Variants in ZCWPW1 observed in about 807,000 individuals in gnomAD.
ZCWPW1 encodes the protein zinc finger CW-type and PWWP domain containing 1.
In ZCWPW1, 56 loss-of-function variants were observed where a neutral mutation model predicts 81.3. That is an observed-to-expected ratio of 0.69 (90% CI 0.56 to 0.86). The LOEUF (loss-of-function observed/expected upper bound fraction) is 0.86, where lower values mean the gene tolerates loss of function less well. Ranked by LOEUF, ZCWPW1 falls within the 40% of genes least tolerant of loss-of-function variation. ZCWPW1 has a pLI of 0.00. For missense variants in ZCWPW1, 650 were observed against 769.8 expected (o/e 0.84, Z 1.84); for synonymous variants, 250 against 273.7 (o/e 0.91, Z 0.86).
At chr7:100,401,862 T>TA (rs1220132085) in intron 17 of ZCWPW1, 27 bp downstream of exon 17, 2 of 1,583,214 alleles carry the variant, frequency 1.3e-6, no homozygotes, top group East Asian at 2.2e-5. Context: ...TCATTCCCCT[T>TA]AGTTTTTCCC....
chr7:100,407,536 G>T (rs917438676), intron 10 of ZCWPW1, among the ~76,000 whole-genome samples: 3 of 152,134 alleles, frequency 2.0e-5, no homozygotes, highest in Non-Finnish European at 2.9e-5. Flanking sequence ...GGGACTACAG[G>T]CACATGCCAC....
intron 8 of ZCWPW1, among the ~76,000 whole-genome samples, chr7:100,410,308 T>C (rs1174996497): frequency 1.3e-5 from 2 of 152,122 alleles, no homozygotes; most frequent in African/African-American, 2.4e-5. Context: ...TCTATCTCCT[T>C]TCTGAAGCCT....
chr7:100,407,256 A>C lies in ZCWPW1; in HGVS notation c.1040T>G (p.Leu347Arg). 6.2e-7 allele frequency: 1 copy of C among 1,614,092 alleles called. No individual in the cohort carries two copies. Among genetic ancestry groups the C allele is most frequent in the Non-Finnish European group, 8.5e-7 (1 of 1,179,980 alleles). The change falls in exon 11 of 18, where the codon CTT (leucine) becomes CGT (arginine). Residue 347 changes from leucine to arginine, a missense_variant. Transcript: ENST00000684423. Reference sequence around the variant, plus strand: ...CAGGGAATCAAGATGGGAAGTAAAAAGAAAATATTCCCCTAAGTCAGGATC... The same window carrying C: ...CAGGGAATCAAGATGGGAAGTAAAACGAAAATATTCCCCTAAGTCAGGATC... ...ESDPDLGEYF[L>R]FTSHLDSLPS...
intron 2 of ZCWPW1, among the ~76,000 whole-genome samples, chr7:100,424,070 C>CA (rs201890147): frequency 0.028 from 1,490 of 52,806 alleles, 14 homozygotes; most frequent in Middle Eastern, 0.042. Flanking sequence ...AACTCCGTCT[C>CA]AAAAAAAAAA....
Position 100,401,212 on chromosome 7 carries a change from T to C in ZCWPW1, c.1752A>G (p.Ser584=). The change falls in exon 18 of 18, where the codon TCA becomes TCG. Residue 584 remains serine (S), a synonymous_variant. Transcript: ENST00000684423. ...GGTGTCTGGGCTCTTCTTTCGCAGA[T>C]GAGGGGCAGGCCCCCTTACACGCTG... ...GLSACKGACP[S]SAKEEPRHRE... The C allele has an allele frequency of 6.2e-7, 1 of 1,614,244 alleles. No homozygotes were observed. Among genetic ancestry groups the C allele is most frequent in the East Asian group, 2.2e-5 (1 of 44,886 alleles).
In ZCWPW1 at chr7:100,407,296, C is replaced by T; in HGVS notation, c.1000G>A (p.Gly334Ser). The T allele has an allele frequency of 6.2e-7, 1 of 1,613,626 alleles. No homozygotes were observed. Among genetic ancestry groups the T allele is most frequent in the Non-Finnish European group, 8.5e-7 (1 of 1,179,764 alleles). The change falls in exon 11 of 18, where the codon GGC becomes AGC. Residue 334 changes from glycine (G) to serine (S), a missense_variant. By Grantham distance (56) the Gly-to-Ser change is moderately conservative (BLOSUM62 0). Transcript: ENST00000684423. ...AAGTCAGGATCAGATTCTATCATGC[C>T]TGGCCACCTGGAGAAGATAGTTGGG... is the stretch of plus-strand genomic sequence containing the variant. ...AKQYGYPWWPGMIESDPDLGE... is the reference protein window; with the variant it reads ...AKQYGYPWWPSMIESDPDLGE...
chr7:100,422,703 G>C (rs1054161730), intron 2 of ZCWPW1, among the ~76,000 whole-genome samples: 4 of 152,166 alleles, frequency 2.6e-5, no homozygotes, highest in African/African-American at 9.7e-5. Flanking sequence ...GTACCCAATA[G>C]GTAGTTTTTC....
At chr7:100,419,022 G>C in intron 5 of ZCWPW1, 89 bp downstream of exon 5, 1 of 1,026,398 alleles carries the variant, frequency 9.7e-7, no homozygotes, top group Non-Finnish European at 1.5e-6. Flanking sequence ...AGATGGGAGA[G>C]AAAGAGAGAA....
At chr7:100,419,239 T>C (rs1238504183) in intron 4 of ZCWPW1, 50 bp from the exon 5 acceptor site, 4 of 1,546,688 alleles carry the variant, frequency 2.6e-6, no homozygotes, top group Non-Finnish European at 3.6e-6. Flanking sequence ...TCCATAGTTT[T>C]CCCCTCTGAA....
chr7:100,403,299 T>G (rs1244737944), intron 15 of ZCWPW1, among the ~76,000 whole-genome samples: 1 of 151,902 alleles, frequency 6.6e-6, no homozygotes, highest in Non-Finnish European at 1.5e-5. Flanking sequence ...CACTGCAAGT[T>G]CTGCCTCCCA....
At chr7:100,413,859 C>T (rs1031663559) in intron 8 of ZCWPW1, among the ~76,000 whole-genome samples, 3 of 152,236 alleles carry the variant, frequency 2.0e-5, no homozygotes, top group East Asian at 1.9e-4. Flanking sequence ...GCTAAGATTA[C>T]AGGTGTGAGC....
intron 2 of ZCWPW1, among the ~76,000 whole-genome samples, chr7:100,422,684 G>A (rs1796567977): frequency 6.6e-6 from 1 of 152,160 alleles, no homozygotes; most frequent in African/African-American, 2.4e-5. Context: ...TTCACAGGTA[G>A]TGAGTATAGT....
At chr7:100,411,417 C>A (rs540709481) in intron 8 of ZCWPW1, among the ~76,000 whole-genome samples, 5 of 152,210 alleles carry the variant, frequency 3.3e-5, no homozygotes, top group African/African-American at 1.2e-4. Flanking sequence ...CAGGCATGCA[C>A]CACCACACCC....
At position 100,416,924 on chromosome 7, in the gene ZCWPW1, C is replaced by T. The variant is rs922996589; in HGVS notation, c.479+142G>A. The T allele has an allele frequency of 1.7e-4, 121 of 706,604 alleles. 1 individual carries two copies. Among genetic ancestry groups the T allele is most frequent in the Middle Eastern group, 8.3e-4 (2 of 2,418 alleles). 43.8% of individuals were successfully genotyped at this position (706,604 alleles called of 1,614,324 possible). A position where few individuals can be genotyped will look rare whatever the true frequency, so the allele number is the denominator to read the frequency against. On this transcript the variant is annotated intron_variant, in intron 6 of 17. Coordinates refer to ENST00000684423, the MANE Select transcript of ZCWPW1 (RefSeq NM_001386010.1). ...TCACGCCACTGTACTCCAGCCTGGG[C>T]GACAGAGCGAGACTCCGTCTCAAAA...
intron 10 of ZCWPW1, 127 bp from the exon 11 acceptor site, chr7:100,407,430 T>C (rs1793271816): frequency 1.3e-6 from 1 of 797,742 alleles, no homozygotes; most frequent in African/African-American, 1.7e-5. Flanking sequence ...TCTCACTCTG[T>C]CACCCAGGCT....
intron 1 of ZCWPW1, among the ~76,000 whole-genome samples, chr7:100,428,097 G>C (rs1798063291): frequency 6.6e-6 from 1 of 152,088 alleles, no homozygotes; most frequent in African/African-American, 2.4e-5. Flanking sequence ...CTCAGGCAAC[G>C]GGTGCCAGGA....
intron 2 of ZCWPW1, among the ~76,000 whole-genome samples, chr7:100,423,859 A>G (rs554400151): frequency 7.5e-4 from 114 of 152,288 alleles, no homozygotes; most frequent in African/African-American, 2.3e-3. Flanking sequence ...ACCTGAGGTC[A>G]GGAGTTCGAG....
In ZCWPW1 at chr7:100,405,070, G is replaced by A. The variant is rs746805431; in HGVS notation, c.1197C>T (p.Ser399=). The A allele has an allele frequency of 6.2e-7, 1 of 1,613,206 alleles. No individual in the cohort carries two copies. Among genetic ancestry groups the A allele is most frequent in the Non-Finnish European group, 8.5e-7 (1 of 1,179,656 alleles). ...TCATCAGGGCCACCCCCAGTTTCTGGCTGCAGTCATTTCTGCGCTTTTTCT... is the reference window on the plus strand; with the variant it reads ...TCATCAGGGCCACCCCCAGTTTCTGACTGCAGTCATTTCTGCGCTTTTTCT... The part of the protein sequence containing the change: ...SVMKKRRNDC[S]QKLGVALMMA... The change falls in exon 13 of 18, where the codon AGC becomes AGT. Residue 399 remains serine, a synonymous_variant. Transcript: ENST00000684423.
rs1213608412 is a variant in ZCWPW1 at position 100,416,315 on chromosome 7, CTT to C, written c.619_620del (p.Lys207GlufsTer6). 6.2e-7 allele frequency: 1 copy of C among 1,613,898 alleles called. No individual in the cohort carries two copies. Among genetic ancestry groups the C allele is most frequent in the Admixed American group, 1.7e-5 (1 of 59,974 alleles). On this transcript the variant is annotated frameshift_variant, in exon 7 of 18. Transcript: ENST00000684423. LOFTEE classifies it high-confidence loss of function. ...KSNRLTLSKR[K>X]KEAQDEKVEK... The stretch of plus-strand genomic sequence containing the variant: ...TCTGACTGTACTTACGAGCTTCCTT[CTT>C]TCTTTTGCTTAAGGTGAGTCTATTG...
Sources: gnomAD v4.1 joint callset for allele counts (sites outside exome capture counted in the v4.1 genomes callset) on GRCh38, gnomAD v4.1.1 for gene constraint, MANE v1.5 for transcripts, NCBI Gene and HGNC (gene_info 2026-07-23, HGNC 2026-07-21) for gene names.